GRID2: variants seen among roughly 807,000 people sequenced by gnomAD.
GRID2 encodes the protein glutamate ionotropic receptor delta type subunit 2, also known as glutamate receptor ionotropic, delta-2.
GRID2 carries 33 observed loss-of-function variants against 114.8 expected under a neutral mutation model. The observed-to-expected ratio is 0.29, with a 90% CI of 0.22 to 0.38. The LOEUF is 0.38. GRID2 is among the 10% of genes least tolerant of loss of function. GRID2 has a pLI of 1.00. For missense variants in GRID2, 1,184 were observed against 1,257.7 expected, an observed-to-expected ratio of 0.94 and a Z score of 0.89; for synonymous variants, 505 against 449.9, an observed-to-expected ratio of 1.12 and a Z score of -1.55.
At chr4:93,656,422 C>T (rs1392587710) in intron 14 of GRID2, among the ~76,000 whole-genome samples, 1 of 151,006 alleles carries the variant, frequency 6.6e-6, no homozygotes, top group Non-Finnish European at 1.5e-5. Context: ...TATTAATTAA[C>T]CTATTTGCTA....
chr4:92,462,567 A>T (rs2149088941), intron 1 of GRID2, among the ~76,000 whole-genome samples: 1 of 152,060 alleles, frequency 6.6e-6, no homozygotes, highest in Admixed American at 6.6e-5. Context: ...GTTTTCTGAC[A>T]ACTCAAGCAG....
chr4:92,561,900 G>A (rs147337593), intron 1 of GRID2, among the ~76,000 whole-genome samples: 124 of 152,250 alleles, frequency 8.1e-4, no homozygotes, highest in African/African-American at 1.2e-3. Context: ...AGAAGATCAC[G>A]TGATTCTGGT....
chr4:93,169,978 C>T (rs951674697), intron 4 of GRID2, among the ~76,000 whole-genome samples: 2 of 152,180 alleles, frequency 1.3e-5, no homozygotes, highest in Non-Finnish European at 2.9e-5. Context: ...ACAGGTTTAA[C>T]TTGAAAAGGA....
intron 4 of GRID2, among the ~76,000 whole-genome samples, chr4:93,126,169 T>G (rs552977650): frequency 6.6e-6 from 1 of 152,358 alleles, no homozygotes; most frequent in East Asian, 1.9e-4. Context: ...TTTCACTCAC[T>G]ATTATTTAAT....
intron 2 of GRID2, among the ~76,000 whole-genome samples, chr4:92,652,148 A>G (rs1284174346): frequency 1.3e-5 from 2 of 152,076 alleles, no homozygotes; most frequent in Non-Finnish European, 2.9e-5. Context: ...TTATGGGCAG[A>G]ACAAGATGGA....
chr4:92,719,058 C>G (rs1735685308), intron 2 of GRID2, among the ~76,000 whole-genome samples: 1 of 151,870 alleles, frequency 6.6e-6, no homozygotes, highest in African/African-American at 2.4e-5. Context: ...ACAATCTCAG[C>G]TCACTTCAAC....
At chr4:93,338,696 ACCT>A (rs1759335504) in intron 8 of GRID2, among the ~76,000 whole-genome samples, 6 of 152,202 alleles carry the variant, frequency 3.9e-5, no homozygotes, top group African/African-American at 1.2e-4. Flanking sequence ...CTACCTCCAT[ACCT>A]TAAACCAGTA....
At chr4:92,918,627 G>A (rs886433347) in intron 2 of GRID2, among the ~76,000 whole-genome samples, 2 of 152,092 alleles carry the variant, frequency 1.3e-5, no homozygotes, top group Non-Finnish European at 2.9e-5. Context: ...TTTTGTCGTT[G>A]GTTCTGCTTA....
intron 6 of GRID2, among the ~76,000 whole-genome samples, chr4:93,223,476 A>G (rs1361433703): frequency 1.3e-5 from 2 of 152,186 alleles, no homozygotes; most frequent in African/African-American, 2.4e-5. Flanking sequence ...AATTATCTCA[A>G]TAGCCAAAGC....
chr4:93,412,238 C>CG (rs1338000710), intron 9 of GRID2, among the ~76,000 whole-genome samples: 1 of 150,734 alleles, frequency 6.6e-6, no homozygotes, highest in East Asian at 2.0e-4. Flanking sequence ...ATCCCCCCCC[C>CG]CCAAAAAAAA....
intron 2 of GRID2, among the ~76,000 whole-genome samples, chr4:92,703,711 C>T (rs1031258401): frequency 6.6e-6 from 1 of 150,894 alleles, no homozygotes; most frequent in South Asian, 2.1e-4. Context: ...GCACATGATG[C>T]ATTCCATTAA....
intron 1 of GRID2, among the ~76,000 whole-genome samples, chr4:92,447,785 C>G (rs1222461377): frequency 6.6e-6 from 1 of 152,250 alleles, no homozygotes; most frequent in East Asian, 1.9e-4. Context: ...TCTGAGTTCT[C>G]TTTTATAAAA....
At chr4:93,351,861 C>T (rs1760835346) in intron 8 of GRID2, among the ~76,000 whole-genome samples, 1 of 151,824 alleles carries the variant, frequency 6.6e-6, no homozygotes. Flanking sequence ...TAATCATGAC[C>T]CAGTGCTGCC....
At position 92,935,127 on chromosome 4, in the gene GRID2, A is replaced by C. The variant is rs542923650; in HGVS notation, c.245-149868A>C. Among the ~76,000 whole-genome samples the C allele has an allele frequency of 2.7e-5, 4 of 146,462 alleles. 1 individual carries two copies. Among genetic ancestry groups the C allele is most frequent in the Non-Finnish European group, 6.0e-5 (4 of 66,146 alleles). On this transcript the variant is annotated intron_variant, in intron 2 of 15. Coordinates refer to ENST00000282020, the MANE Select transcript of GRID2 (RefSeq NM_001510.4). ...ACCTACAAAATGGGAGAAAATTTTC[A>C]CAACCTACTCATCTGACAAAGGGCT...
At chr4:93,380,881 C>T (rs908700796) in intron 8 of GRID2, among the ~76,000 whole-genome samples, 1 of 152,000 alleles carries the variant, frequency 6.6e-6, no homozygotes, top group African/African-American at 2.4e-5. Flanking sequence ...GGATAGCTTA[C>T]CTCTGTTCTA....
intron 8 of GRID2, among the ~76,000 whole-genome samples, chr4:93,299,922 T>C (rs1433579276): frequency 3.3e-5 from 5 of 152,188 alleles, no homozygotes; most frequent in African/African-American, 1.2e-4. Flanking sequence ...TCCCTTGTTA[T>C]CTACAGCAGA....
intron 1 of GRID2, among the ~76,000 whole-genome samples, chr4:92,423,448 G>A (rs888581285): frequency 1.3e-5 from 2 of 152,006 alleles, no homozygotes; most frequent in Non-Finnish European, 2.9e-5. Flanking sequence ...ATATTGAGGT[G>A]TACATTTTGT....
chr4:92,371,493 T>C (rs1309735722), intron 1 of GRID2, among the ~76,000 whole-genome samples: 1 of 152,160 alleles, frequency 6.6e-6, no homozygotes, highest in Non-Finnish European at 1.5e-5. Context: ...TAAAATCTAC[T>C]CTGTCTGTGC....
At chr4:92,392,755 T>TC (rs1271822777) in intron 1 of GRID2, among the ~76,000 whole-genome samples, 1 of 152,146 alleles carries the variant, frequency 6.6e-6, no homozygotes. Flanking sequence ...CCCAGTAATA[T>TC]CATTCATACC....
Sources: allele counts gnomAD v4.1 joint callset (sites outside exome capture counted in the v4.1 genomes callset), GRCh38; gene constraint gnomAD v4.1.1; transcripts MANE v1.5; gene names NCBI Gene and HGNC (gene_info 2026-07-23, HGNC 2026-07-21).